The following REPS1 variants were observed in gnomAD, a reference collection of about 807,000 sequenced individuals.
The protein encoded by REPS1 is RALBP1 associated Eps domain containing 1, also known as ralBP1-associated Eps domain-containing protein 1.
A neutral mutation model predicts 100.9 loss-of-function variants in REPS1; 39 were observed. That is an observed-to-expected ratio of 0.39 (90% CI 0.30 to 0.50). The LOEUF (loss-of-function observed/expected upper bound fraction) is 0.50, where lower values mean the gene tolerates loss of function less well. Among genes scored for constraint, REPS1 ranks in the 20% least tolerant of loss-of-function variants. The pLI is 0.86. For synonymous variants in REPS1, 324 were observed against 340.3 expected (o/e 0.95, Z 0.53); for missense variants, 821 against 968.5 (o/e 0.85, Z 2.02).
chr6:138,937,196 T>C (rs1451576797), intron 8 of REPS1, among the ~76,000 whole-genome samples: 8 of 152,056 alleles, frequency 5.3e-5, no homozygotes. Flanking sequence ...ATGATTCAAT[T>C]ACCTCCCACC....
chr6:138,921,613 G>A (rs1780767464), intron 10 of REPS1, among the ~76,000 whole-genome samples: 1 of 109,430 alleles, frequency 9.1e-6, no homozygotes, highest in Admixed American at 1.5e-4. Flanking sequence ...GTCTCGCTCT[G>A]TTGCCCAGGC....
intron 4 of REPS1, 103 bp from the exon 5 acceptor site, chr6:138,944,725 A>G: frequency 8.8e-7 from 1 of 1,132,766 alleles, no homozygotes; most frequent in South Asian, 1.7e-5. Flanking sequence ...ACAATTTCCA[A>G]AATGGAATCT....
chr6:138,954,116 A>G lies in REPS1; in HGVS notation c.154-6203T>C, dbSNP rs961975104. Among the ~76,000 whole-genome samples, 85 of 145,986 alleles carry G rather than the reference A, an allele frequency of 5.8e-4. 1 individual carries two copies. The highest frequency in any genetic ancestry group is 8.9e-4 in the Non-Finnish European group (59 of 66,064). On this transcript the variant is annotated intron_variant, in intron 1 of 19. Coordinates refer to ENST00000450536, the MANE Select transcript of REPS1 (RefSeq NM_001286611.2). ...AACAGAAAATTAAACTCATATGTGG[A>G]AAAAAAAAAAAGTTGATCTCATAGA...
At position 138,934,409 on chromosome 6, in the gene REPS1, A is replaced by C. The variant is rs1330667973; in HGVS notation, c.1136-4311T>G. 6.5e-6 allele frequency: 3 copies of C among 459,684 alleles called. No individual in the cohort carries two copies. The Admixed American group carries it at 7.1e-5, about 11-fold the overall frequency. 28.5% of individuals were successfully genotyped at this position (459,684 alleles called of 1,614,324 possible). On this transcript the variant is annotated intron_variant, in intron 8 of 19. Transcript: ENST00000450536. Reference sequence around the variant, plus strand: ...TTACGCAAAAAGTATTTCCACGTACAAAAGTGTGTCTGAAAGAGACAACCC... The same window carrying C: ...TTACGCAAAAAGTATTTCCACGTACCAAAGTGTGTCTGAAAGAGACAACCC...
Position 138,919,146 on chromosome 6 carries a change from G to A in REPS1, c.1528+1069C>T, listed in dbSNP as rs187796976. ...GTTTTCCTCATTTTCCTGTTCTCCA[G>A]GCCAAAAACCATGAAACCACCCTTG... On this transcript the variant is annotated intron_variant, in intron 12 of 19. Coordinates refer to ENST00000450536, the MANE Select transcript of REPS1 (RefSeq NM_001286611.2). Among the ~76,000 whole-genome samples, 42 of 152,110 alleles carry A rather than the reference G, an allele frequency of 2.8e-4. No homozygotes were observed. The East Asian group carries it at 7.7e-3, about 28-fold the overall frequency.
rs564508101 is a variant in REPS1 at position 138,978,324 on chromosome 6, T to C, written c.153+9206A>G. 9.2e-5 allele frequency among the ~76,000 whole-genome samples: 14 copies of C among 151,566 alleles called. No homozygotes were observed. In the South Asian group the frequency reaches 2.5e-3, roughly 27 times the overall value. On this transcript the variant is annotated intron_variant, in intron 1 of 19. Coordinates refer to ENST00000450536, the MANE Select transcript of REPS1 (RefSeq NM_001286611.2). ...TTTTTTTTGAGACAGGGTCTGGCTC[T>C]GTTGCCCAGGCTGGAGTCCATTGGC...
chr6:138,905,453 G>A (rs977071618), intron 19 of REPS1, among the ~76,000 whole-genome samples: 4 of 147,406 alleles, frequency 2.7e-5, no homozygotes, highest in African/African-American at 7.5e-5. Flanking sequence ...CACCGCGCCC[G>A]GCTAATTTTT....
At chr6:138,972,425 T>G (rs1392642124) in intron 1 of REPS1, among the ~76,000 whole-genome samples, 1 of 152,162 alleles carries the variant, frequency 6.6e-6, no homozygotes, top group African/African-American at 2.4e-5. Flanking sequence ...TGGTAGAAGC[T>G]TTTAAGGCTG....
At chr6:138,965,457 AC>A (rs1783966125) in intron 1 of REPS1, among the ~76,000 whole-genome samples, 1 of 152,166 alleles carries the variant, frequency 6.6e-6, no homozygotes, top group Admixed American at 6.5e-5. Context: ...ACCACCTAAA[AC>A]TGAAGCTTGA....
chr6:138,975,604 C>T (rs1332532446), intron 1 of REPS1, among the ~76,000 whole-genome samples: 5 of 152,014 alleles, frequency 3.3e-5, no homozygotes, highest in Admixed American at 2.0e-4. Context: ...ATGGCCAAGG[C>T]GGAGGATCAC....
At chr6:138,906,458 T>G (rs548322324) in intron 19 of REPS1, among the ~76,000 whole-genome samples, 1 of 152,172 alleles carries the variant, frequency 6.6e-6, no homozygotes, top group Non-Finnish European at 1.5e-5. Context: ...CCACCCTCTT[T>G]TTTTCCTCTC....
rs943859110 is a variant in REPS1 at position 138,904,870 on chromosome 6, C to T, written c.*194G>A. On this transcript the variant is annotated 3_prime_UTR_variant, in exon 20 of 20. Coordinates refer to ENST00000450536, the MANE Select transcript of REPS1 (RefSeq NM_001286611.2). ...CAAACACAATCTACCCTCCAGAAAA[C>T]GCCATCCTGACCTTTTTATTGTCGA... 1.1e-5 allele frequency: 5 copies of T among 471,318 alleles called. No homozygotes were observed. The highest frequency in any genetic ancestry group is 3.7e-5 in the Admixed American group (1 of 27,392). 29.2% of individuals were successfully genotyped at this position (471,318 alleles called of 1,614,324 possible). A position where few individuals can be genotyped will look rare whatever the true frequency, so the allele number is the denominator to read the frequency against.
intron 1 of REPS1, among the ~76,000 whole-genome samples, chr6:138,948,592 T>C (rs1341809141): frequency 6.6e-6 from 1 of 152,164 alleles, no homozygotes; most frequent in African/African-American, 2.4e-5. Flanking sequence ...CACAAGTAAA[T>C]ATTAGACTCA....
chr6:138,943,829 G>C, intron 6 of REPS1, 24 bp downstream of exon 6: 2 of 1,601,532 alleles, frequency 1.2e-6, no homozygotes, highest in African/African-American at 1.3e-5. Context: ...CCATCTAGAA[G>C]AACTTCTGTT....
At chr6:138,959,980 T>C (rs771995915) in intron 1 of REPS1, among the ~76,000 whole-genome samples, 2 of 152,074 alleles carry the variant, frequency 1.3e-5, no homozygotes, top group Non-Finnish European at 2.9e-5. Context: ...CTCCAAGACA[T>C]AGCTAGACAG....
In REPS1 at chr6:138,917,629, T is replaced by TG. The variant is rs763635845; in HGVS notation, c.1529-3dup. On this transcript the variant is annotated splice_polypyrimidine_tract_variant and splice_region_variant and intron_variant, in intron 12 of 19. Coordinates refer to ENST00000450536, the MANE Select transcript of REPS1 (RefSeq NM_001286611.2). ...AGTCTGAACTACTGTAACCATCTGC[T>TG]GATAAATGGGATATGTCCTATTTAA... The TG allele has an allele frequency of 9.3e-6, 15 of 1,610,930 alleles. No individual in the cohort carries two copies. The African/African-American group carries it at 2.0e-4, about 22-fold the overall frequency.
chr6:138,941,577 G>A (rs534781192), intron 7 of REPS1, 88 bp from the exon 8 acceptor site: 8 of 1,281,386 alleles, frequency 6.2e-6, no homozygotes, highest in South Asian at 5.3e-5. Context: ...TATTTTCCAT[G>A]AGAAAGTGCA....
intron 15 of REPS1, among the ~76,000 whole-genome samples, chr6:138,913,772 CCT>C (rs1218039707): frequency 2.6e-5 from 4 of 152,150 alleles, no homozygotes; most frequent in African/African-American, 9.7e-5. Context: ...CTTGTTTTCC[CCT>C]GAGGAATGTG....
intron 1 of REPS1, among the ~76,000 whole-genome samples, chr6:138,953,334 TA>T (rs1206357717): frequency 6.6e-6 from 1 of 151,764 alleles, no homozygotes; most frequent in Non-Finnish European, 1.5e-5. Context: ...AAAGCAAAAA[TA>T]AACAAATGGG....
Sources: gnomAD v4.1 joint callset for allele counts (sites outside exome capture counted in the v4.1 genomes callset) on GRCh38, gnomAD v4.1.1 for gene constraint, MANE v1.5 for transcripts, NCBI Gene and HGNC (gene_info 2026-07-23, HGNC 2026-07-21) for gene names.